Variants in SMOC2 observed in about 807,000 individuals in gnomAD.
SMOC2 encodes SPARC related modular calcium binding 2.
A neutral mutation model predicts 61.4 loss-of-function variants in SMOC2; 39 were observed. The ratio of observed to expected loss-of-function variants is 0.64; its 90% CI spans 0.49 to 0.83. SMOC2 has a LOEUF of 0.83. Among genes scored for constraint, SMOC2 ranks in the 40% least tolerant of loss-of-function variants. The probability of loss-of-function intolerance (pLI) is 0.00; values close to 1 mark genes in which losing one functional copy is unlikely to be tolerated. For missense variants in SMOC2, 556 were observed against 592.9 expected (o/e 0.94, Z 0.65); for synonymous variants, 247 against 239.9 (o/e 1.03, Z -0.27).
At chr6:168,607,275 G>C (rs868617585) in intron 8 of SMOC2, among the ~76,000 whole-genome samples, 1 of 152,126 alleles carries the variant, frequency 6.6e-6, no homozygotes, top group African/African-American at 2.4e-5. Flanking sequence ...GGTGGTCTGC[G>C]TGGCAGGGGT....
At position 168,509,942 on chromosome 6, in the gene SMOC2, A is replaced by G; in HGVS notation, c.112A>G (p.Lys38Glu). The G allele has an allele frequency of 6.2e-7, 1 of 1,608,624 alleles. No homozygotes were observed. The highest frequency in any genetic ancestry group is 1.3e-5 in the African/African-American group (1 of 74,950). ...TTTGAGAGTGGATCAAGATAAAGAC[A>G]AGGATTGTAGCTTGGACTGTGCGGG... Reference protein sequence around the residue: ...TFLRVDQDKDKDCSLDCAGSP... With the variant: ...TFLRVDQDKDEDCSLDCAGSP... The change falls in exon 2 of 13, where the codon AAG becomes GAG. Residue 38 changes from lysine to glutamate, a missense_variant. Physicochemically the swap from Lys to Glu is moderately conservative, Grantham distance 56 (BLOSUM62 1). Coordinates refer to ENST00000356284, the MANE Select transcript of SMOC2 (RefSeq NM_001166412.2).
chr6:168,469,066 T>G (rs1206904122), intron 1 of SMOC2, among the ~76,000 whole-genome samples: 2 of 152,230 alleles, frequency 1.3e-5, no homozygotes, highest in African/African-American at 4.8e-5. Flanking sequence ...GGTGTTTCTC[T>G]CACAGTCACT....
chr6:168,600,284 G>A (rs868293257), intron 8 of SMOC2, among the ~76,000 whole-genome samples: 1 of 151,984 alleles, frequency 6.6e-6, no homozygotes, highest in South Asian at 2.1e-4. Flanking sequence ...GTGGATGCCT[G>A]TAATCCCAGC....
chr6:168,550,224 C>T (rs758250157), intron 7 of SMOC2, among the ~76,000 whole-genome samples: 5 of 152,278 alleles, frequency 3.3e-5, no homozygotes, highest in Non-Finnish European at 5.9e-5. Context: ...GAGTTAGTAA[C>T]AGCTTGAATT....
chr6:168,585,776 A>C (rs113274850), intron 7 of SMOC2, among the ~76,000 whole-genome samples: 47 of 152,292 alleles, frequency 3.1e-4, no homozygotes, highest in African/African-American at 9.6e-4. Context: ...GTTTCTTTCA[A>C]ATACTTATTT....
chr6:168,577,166 C>T (rs1258336822), intron 7 of SMOC2, among the ~76,000 whole-genome samples: 1 of 152,170 alleles, frequency 6.6e-6, no homozygotes, highest in Non-Finnish European at 1.5e-5. Flanking sequence ...ACCAGGACGC[C>T]ATCTAAACAT....
At chr6:168,555,865 C>T (rs901456345) in intron 7 of SMOC2, among the ~76,000 whole-genome samples, 3 of 152,146 alleles carry the variant, frequency 2.0e-5, no homozygotes, top group Non-Finnish European at 4.4e-5. Context: ...GTCTCCTGCG[C>T]GGTCCTCCTA....
chr6:168,582,590 C>G (rs550527310), intron 7 of SMOC2, among the ~76,000 whole-genome samples: 1 of 152,122 alleles, frequency 6.6e-6, no homozygotes, highest in Non-Finnish European at 1.5e-5. Flanking sequence ...CAGTTGTTGC[C>G]GATTTTGAAT....
At position 168,597,695 on chromosome 6, in the gene SMOC2, G is replaced by A. The variant is rs980034105; in HGVS notation, c.638-1123G>A. Reference sequence around the variant, plus strand: ...CATTTGTGGAAAATCACTTCCAACTGGAGAGATTCGTGACGTCCCAGCCCA... The same window carrying A: ...CATTTGTGGAAAATCACTTCCAACTAGAGAGATTCGTGACGTCCCAGCCCA... On this transcript the variant is annotated intron_variant, in intron 7 of 12. Coordinates refer to ENST00000356284, the MANE Select transcript of SMOC2 (RefSeq NM_001166412.2). 9.2e-5 allele frequency among the ~76,000 whole-genome samples: 14 copies of A among 152,230 alleles called. 1 individual carries two copies. The highest frequency in any genetic ancestry group is 2.9e-5 in the Non-Finnish European group (2 of 68,036).
intron 9 of SMOC2, among the ~76,000 whole-genome samples, chr6:168,645,616 C>T (rs1270477278): frequency 6.6e-6 from 1 of 152,158 alleles, no homozygotes; most frequent in Non-Finnish European, 1.5e-5. Context: ...ATGTGACAGC[C>T]CGGGCACAAG....
At chr6:168,486,653 C>A (rs12200852) in intron 1 of SMOC2, among the ~76,000 whole-genome samples, 1 of 151,108 alleles carries the variant, frequency 6.6e-6, no homozygotes, top group African/African-American at 2.4e-5. Flanking sequence ...AAACCGACTG[C>A]GATTCACCAA....
intron 4 of SMOC2, among the ~76,000 whole-genome samples, chr6:168,531,496 AAGG>A (rs569674988): frequency 2.0e-4 from 30 of 152,300 alleles, no homozygotes; most frequent in Admixed American, 8.5e-4. Context: ...GAGCTGGTGG[AAGG>A]AGAAGATAGG....
chr6:168,508,735 T>A (rs1444171013), intron 1 of SMOC2, among the ~76,000 whole-genome samples: 4 of 152,208 alleles, frequency 2.6e-5, no homozygotes, highest in Non-Finnish European at 4.4e-5. Context: ...ACCAGTGCTC[T>A]CTTTATCTCC....
rs1330058116 is a variant in SMOC2, at chr6:168,608,206, G to T, written c.874G>T (p.Ala292Ser). The T allele has an allele frequency of 6.2e-7, 1 of 1,613,616 alleles. No individual in the cohort carries two copies. The highest frequency in any genetic ancestry group is 8.5e-7 in the Non-Finnish European group (1 of 1,179,888). The change falls in exon 9 of 13, where the codon GCC becomes TCC. Residue 292 changes from alanine (A) to serine (S), a missense_variant. Physicochemically the swap from Ala to Ser is moderately conservative, Grantham distance 99. Transcript: ENST00000356284. ...CACGGCCAGGGCCCACCCAGCCAAA[G>T]CCCGGGACCTGTACAAGGGCCGCCA... ...DNTARAHPAK[A>S]RDLYKGRQLQ...
intron 1 of SMOC2, among the ~76,000 whole-genome samples, chr6:168,488,018 T>A (rs1583051168): frequency 6.6e-6 from 1 of 152,240 alleles, no homozygotes; most frequent in African/African-American, 2.4e-5. Flanking sequence ...ATTTTACTGC[T>A]TTTCTCTCCG....
Position 168,441,231 on chromosome 6 carries a change from C to A in SMOC2, c.-140C>A. ...CTGCAGGGGAGCTGCTCCAGCCGGG[C>A]CGCCGGGAGCGGTGGGGAGAGCATC... On this transcript the variant is annotated 5_prime_UTR_variant, in exon 1 of 13. Coordinates refer to ENST00000356284, the MANE Select transcript of SMOC2 (RefSeq NM_001166412.2). The A allele has an allele frequency of 1.5e-6, 2 of 1,291,168 alleles. No individual in the cohort carries two copies. Among genetic ancestry groups the A allele is most frequent in the South Asian group, 2.0e-5 (1 of 49,684 alleles). 80.0% of individuals were successfully genotyped at this position (1,291,168 alleles called of 1,614,324 possible).
intron 12 of SMOC2, chr6:168,664,536 G>A: frequency 2.6e-6 from 1 of 386,098 alleles, no homozygotes; most frequent in Admixed American, 3.6e-5. Flanking sequence ...GCAATTGTCT[G>A]AGTGTTTGTA....
intron 7 of SMOC2, among the ~76,000 whole-genome samples, chr6:168,564,203 C>A (rs1204842242): frequency 5.3e-5 from 8 of 152,090 alleles, no homozygotes; most frequent in Non-Finnish European, 1.2e-4. Context: ...ATTCTAGATA[C>A]AAGTCCTTAC....
chr6:168,591,806 A>G (rs1037166508), intron 7 of SMOC2, among the ~76,000 whole-genome samples: 1 of 151,174 alleles, frequency 6.6e-6, no homozygotes, highest in African/African-American at 2.4e-5. Flanking sequence ...GATGTAGTTA[A>G]GGGCCTTCTG....
Sources: allele counts gnomAD v4.1 joint callset (sites outside exome capture counted in the v4.1 genomes callset), GRCh38; gene constraint gnomAD v4.1.1; transcripts MANE v1.5; gene names NCBI Gene and HGNC (gene_info 2026-07-23, HGNC 2026-07-21).